The following GPR160 variants were observed in gnomAD, a reference collection of about 807,000 sequenced individuals.
GPR160 encodes probable G protein-coupled receptor 160.
A neutral mutation model predicts 2.6 loss-of-function variants in GPR160; 2 were observed. The ratio of observed to expected loss-of-function variants is 0.77; its 90% CI spans 0.32 to 2.44. The LOEUF (loss-of-function observed/expected upper bound fraction) is 2.44. Among genes scored for constraint, GPR160 ranks in the 30% most tolerant of loss-of-function variants. The probability of loss-of-function intolerance (pLI) is 0.11; values close to 1 mark genes in which losing one functional copy is unlikely to be tolerated. For missense variants in GPR160, 351 were observed against 383.6 expected (o/e 0.91, Z 0.71); for synonymous variants, 130 against 132.2 (o/e 0.98, Z 0.12).
chr3:170,075,474 A>T (rs1184611733), intron 2 of GPR160, among the ~76,000 whole-genome samples: 4 of 152,320 alleles, frequency 2.6e-5, no homozygotes, highest in Middle Eastern at 6.8e-3. Flanking sequence ...CCATTGACTT[A>T]ATGCAACAAA....
chr3:170,084,744 C>CT lies in GPR160; in HGVS notation c.774dup (p.Gln259SerfsTer8). The CT allele has an allele frequency of 6.2e-7, 1 of 1,609,926 alleles. No individual in the cohort carries two copies. The highest frequency in any genetic ancestry group is 8.5e-7 in the Non-Finnish European group (1 of 1,176,606). ...CAGTACCTGGTTACCATTTGTACTA[C>CT]TTCAGGTAATCATTGTTTTACTTAA... On this transcript the variant is annotated frameshift_variant, in exon 4 of 4. Transcript: ENST00000355897. LOFTEE classifies it high-confidence loss of function.
intron 2 of GPR160, among the ~76,000 whole-genome samples, chr3:170,079,103 G>A (rs894000955): frequency 3.9e-5 from 6 of 152,228 alleles, no homozygotes; most frequent in African/African-American, 1.4e-4. Flanking sequence ...CCCACAGACT[G>A]TGTTTGCTCC....
At chr3:170,070,670 C>T (rs1712545734) in intron 2 of GPR160, among the ~76,000 whole-genome samples, 1 of 152,140 alleles carries the variant, frequency 6.6e-6, no homozygotes, top group South Asian at 2.1e-4. Flanking sequence ...ACTAGGTTCT[C>T]TAGTGTTCCT....
chr3:170,050,301 T>G (rs1343458059), intron 2 of GPR160, among the ~76,000 whole-genome samples: 1 of 151,994 alleles, frequency 6.6e-6, no homozygotes, highest in Non-Finnish European at 1.5e-5. Context: ...TGGAGTGCAC[T>G]GGTGCGATCT....
chr3:170,064,872 T>G (rs1712231401), intron 2 of GPR160, among the ~76,000 whole-genome samples: 1 of 152,150 alleles, frequency 6.6e-6, no homozygotes, highest in African/African-American at 2.4e-5. Flanking sequence ...TGGTGTCTCC[T>G]GCCCACCCTG....
Position 170,084,268 on chromosome 3 carries a change from A to G in GPR160, c.296A>G (p.Gln99Arg). 1.2e-6 allele frequency: 2 copies of G among 1,609,286 alleles called. No individual in the cohort carries two copies. Among genetic ancestry groups the G allele is most frequent in the East Asian group, 4.5e-5 (2 of 44,790 alleles). Residue 99 changes from glutamine (Q) to arginine (R), a missense_variant, in exon 4 of 4, where the codon CAA becomes CGA. Transcript: ENST00000355897. ...FTKYHICLFT[Q>R]IISFTYGFLH... The stretch of plus-strand genomic sequence containing the variant: ...AAATACCACATCTGCCTATTTACTC[A>G]AATTATTTCCTTTACTTATGGCTTT...
chr3:170,068,478 T>C (rs1375599588), intron 2 of GPR160, among the ~76,000 whole-genome samples: 2 of 152,184 alleles, frequency 1.3e-5, no homozygotes, highest in South Asian at 2.1e-4. Context: ...TCTTGAGTTC[T>C]TCCCCTCCAG....
Position 170,042,679 on chromosome 3 carries a change from A to AAT in GPR160, c.-193+3637_-193+3638insTA, listed in dbSNP as rs1553766357. Among the ~76,000 whole-genome samples the AAT allele has an allele frequency of 4.6e-4, 67 of 145,612 alleles. 1 individual carries two copies. Among genetic ancestry groups the AAT allele is most frequent in the African/African-American group, 1.6e-3 (64 of 39,546 alleles). ...CCCCATCTCTACAAAAAAAAAAAAT[A>AAT]AATAAATAATAATAATAATAATAAA... On this transcript the variant is annotated intron_variant, in intron 2 of 3. Transcript: ENST00000355897.
At chr3:170,050,846 A>C (rs1716927401) in intron 2 of GPR160, among the ~76,000 whole-genome samples, 1 of 152,036 alleles carries the variant, frequency 6.6e-6, no homozygotes, top group South Asian at 2.1e-4. Flanking sequence ...TTATTTATCC[A>C]CTCACCAGTT....
chr3:170,056,910 C>T (rs1711670398), intron 2 of GPR160, among the ~76,000 whole-genome samples: 1 of 152,142 alleles, frequency 6.6e-6, no homozygotes, highest in African/African-American at 2.4e-5. Context: ...TACATCAGTG[C>T]TCTAGTTAAT....
intron 2 of GPR160, chr3:170,062,570 C>T: frequency 1.2e-6 from 1 of 866,814 alleles, no homozygotes; most frequent in Non-Finnish European, 1.9e-6. Flanking sequence ...GAGAGGACCC[C>T]TCGCACCTTT....
intron 2 of GPR160, among the ~76,000 whole-genome samples, chr3:170,055,610 A>T (rs539521050): frequency 2.0e-4 from 31 of 151,826 alleles, no homozygotes; most frequent in Non-Finnish European, 4.0e-4. Context: ...ACCAGGAGGC[A>T]ATCTCTAGTT....
intron 2 of GPR160, among the ~76,000 whole-genome samples, chr3:170,041,840 A>G (rs1047229269): frequency 6.6e-6 from 1 of 152,188 alleles, no homozygotes; most frequent in East Asian, 1.9e-4. Flanking sequence ...AAAAGCATGG[A>G]AAGAGAAAAG....
chr3:170,072,067 C>CTTTT (rs1202875086), intron 2 of GPR160, among the ~76,000 whole-genome samples: 1,007 of 85,854 alleles, frequency 0.012, 2 homozygotes, highest in Middle Eastern at 0.021. Flanking sequence ...TGTATACAAG[C>CTTTT]TTTTTTTTTT....
At chr3:170,055,736 G>A (rs1029855697) in intron 2 of GPR160, among the ~76,000 whole-genome samples, 1 of 152,078 alleles carries the variant, frequency 6.6e-6, no homozygotes, top group South Asian at 2.1e-4. Context: ...CCGGGTTCAC[G>A]CCATTCTCCT....
intron 3 of GPR160, among the ~76,000 whole-genome samples, chr3:170,081,248 ACAC>A (rs1430915837): frequency 2.0e-5 from 3 of 152,156 alleles, no homozygotes; most frequent in African/African-American, 7.2e-5. Context: ...TATCCAAGCA[ACAC>A]CACTTGTAAG....
intron 2 of GPR160, among the ~76,000 whole-genome samples, chr3:170,049,336 C>T (rs1467947156): frequency 6.6e-6 from 1 of 152,080 alleles, no homozygotes; most frequent in Admixed American, 6.6e-5. Context: ...TGACTCATTC[C>T]CTATTGTTAG....
intron 2 of GPR160, among the ~76,000 whole-genome samples, chr3:170,043,535 T>C (rs1039658092): frequency 6.6e-6 from 1 of 152,172 alleles, no homozygotes; most frequent in Admixed American, 6.5e-5. Flanking sequence ...TATCAGTCCA[T>C]TTTGCAAATG....
In GPR160 at chr3:170,066,209, C is replaced by T. The variant is rs573030333; in HGVS notation, c.-192-13565C>T. On this transcript the variant is annotated intron_variant, in intron 2 of 3. Coordinates refer to ENST00000355897, the MANE Select transcript of GPR160 (RefSeq NM_014373.3). ...AGGCTGGAGTCCAGTGGCACGATCT[C>T]GGCTCCCTGCAAGCTCTGCCTCCCG... Among the ~76,000 whole-genome samples, 6 of 128,440 alleles carry T rather than the reference C, an allele frequency of 4.7e-5. No homozygotes were observed. The East Asian group carries it at 7.2e-4, about 15-fold the overall frequency. The allele number at this position is 128,440 out of a possible 152,430, so 84.3% of individuals were successfully genotyped here.
Sources: allele counts gnomAD v4.1 joint callset (sites outside exome capture counted in the v4.1 genomes callset), GRCh38; gene constraint gnomAD v4.1.1; transcripts MANE v1.5; gene names NCBI Gene and HGNC (gene_info 2026-07-23, HGNC 2026-07-21).